BLTP2: variants seen among roughly 807,000 people sequenced by gnomAD.
The protein encoded by BLTP2 is U937-associated antigen.
the BLTP2 span, chr17:28,640,025 C>T: frequency 1.3e-5 from 21 of 1,613,116 alleles, no homozygotes; most frequent in Non-Finnish European, 1.7e-5. Flanking sequence ...AAGTCAGGTG[C>T]CTGGACCGAG....
chr17:28,630,025 C>T, the BLTP2 span, among the ~76,000 whole-genome samples: 1 of 151,928 alleles, frequency 6.6e-6, no homozygotes, highest in Non-Finnish European at 1.5e-5. Flanking sequence ...CCATGCCTGG[C>T]TAATTTTTTT....
chr17:28,625,394 A>G, the BLTP2 span, among the ~76,000 whole-genome samples: 1 of 150,064 alleles, frequency 6.7e-6, no homozygotes, highest in African/African-American at 2.4e-5. Flanking sequence ...GAAAAAATGG[A>G]AAAATACATA....
At chr17:28,635,823 A>G in the BLTP2 span, 1 of 510,264 alleles carries the variant, frequency 2.0e-6, no homozygotes. Flanking sequence ...GAGCACTTAT[A>G]CTTTTTAAGT....
the BLTP2 span, chr17:28,642,333 A>G: frequency 3.1e-6 from 5 of 1,614,176 alleles, no homozygotes; most frequent in Non-Finnish European, 4.2e-6. Context: ...CTCACAGATT[A>G]GCCTGGGAAA....
the BLTP2 span, chr17:28,620,159 A>C: frequency 7.3e-5 from 54 of 735,104 alleles, no homozygotes; most frequent in East Asian, 1.3e-3. Context: ...CAACAGTAGT[A>C]GGTCAATGCA....
the BLTP2 span, chr17:28,634,748 T>C: frequency 6.2e-7 from 1 of 1,614,068 alleles, no homozygotes; most frequent in Non-Finnish European, 8.5e-7. Flanking sequence ...GAACGCTGGA[T>C]GTAGATTTCA....
chr17:28,637,865 A>G, the BLTP2 span: 1 of 1,614,148 alleles, frequency 6.2e-7, no homozygotes, highest in Non-Finnish European at 8.5e-7. Flanking sequence ...AAACAAGTTC[A>G]TGTCTTCGAC....
chr17:28,634,450 T>C, the BLTP2 span: 1 of 1,362,440 alleles, frequency 7.3e-7, no homozygotes. Flanking sequence ...TCCTCTGAAA[T>C]CACTGAGAGC....
the BLTP2 span, chr17:28,640,088 TA>T: frequency 6.3e-7 from 1 of 1,585,012 alleles, no homozygotes; most frequent in Admixed American, 1.7e-5. Flanking sequence ...CTTTTACTTT[TA>T]TTTTTTAAAA....
chr17:28,619,669 A>T, the BLTP2 span: 1 of 1,613,876 alleles, frequency 6.2e-7, no homozygotes, highest in Non-Finnish European at 8.5e-7. Flanking sequence ...GAGGATATTC[A>T]GTTCTTCACT....
chr17:28,642,564 T>C, the BLTP2 span: 3 of 570,784 alleles, frequency 5.3e-6, no homozygotes, highest in South Asian at 2.1e-5. Context: ...GGCAGGAGAA[T>C]GGTCTGAACC....
chr17:28,633,464 C>T, the BLTP2 span: 3 of 1,575,912 alleles, frequency 1.9e-6, no homozygotes, highest in East Asian at 6.7e-5. Flanking sequence ...TCTCCCAAAT[C>T]AGCACCTGTC....
chr17:28,643,369 C>G, the BLTP2 span: 1 of 1,594,590 alleles, frequency 6.3e-7, no homozygotes, highest in Admixed American at 1.7e-5. Context: ...GCAGTCTATT[C>G]CCCACCCTCA....
chr17:28,617,339 C>T, the BLTP2 span: 1 of 1,581,176 alleles, frequency 6.3e-7, no homozygotes, highest in Admixed American at 1.7e-5. Context: ...AGATTTTGCC[C>T]CATCTACTAT....
chr17:28,616,467 T>A, the BLTP2 span: 1 of 1,614,174 alleles, frequency 6.2e-7, no homozygotes. The surrounding 1 kb of genome is among the most constrained non-coding windows in gnomAD (Gnocchi z 4.8). Flanking sequence ...TGGTACTGCA[T>A]CATCTGTTGC....
At chr17:28,631,696 C>T in the BLTP2 span, 34 of 1,613,810 alleles carry the variant, frequency 2.1e-5, no homozygotes, top group Non-Finnish European at 2.9e-5. Context: ...GAAAAAGAGG[C>T]ACACAGAGAC....
chr17:28,637,029 G>C, the BLTP2 span: 5 of 1,614,192 alleles, frequency 3.1e-6, no homozygotes, highest in Non-Finnish European at 4.2e-6. Flanking sequence ...CACTGGGGTA[G>C]GGATGTCAGG....
chr17:28,619,901 G>T, the BLTP2 span: 2 of 1,613,990 alleles, frequency 1.2e-6, no homozygotes, highest in South Asian at 1.1e-5. Context: ...TGTCGTATTT[G>T]GGCCACATGC....
chr17:28,633,443 A>C, the BLTP2 span: 3 of 1,587,500 alleles, frequency 1.9e-6, no homozygotes, highest in Non-Finnish European at 2.6e-6. Context: ...TAGGTAAGAA[A>C]ACCATCCTCA....
Sources: allele counts gnomAD v4.1 joint callset (sites outside exome capture counted in the v4.1 genomes callset), GRCh38; gene constraint gnomAD v4.1.1; non-coding constraint Gnocchi (gnomAD v3.1); transcripts MANE v1.5; gene names NCBI Gene and HGNC (gene_info 2026-07-23, HGNC 2026-07-21).